The following HSPG2 variants were observed in gnomAD, a reference collection of about 807,000 sequenced individuals.
The protein encoded by HSPG2 is basement membrane-specific heparan sulfate proteoglycan core protein.
In HSPG2, 278 loss-of-function variants were observed where a neutral mutation model predicts 526.6. The ratio of observed to expected loss-of-function variants is 0.53; its 90% CI spans 0.48 to 0.58. HSPG2 has a LOEUF of 0.58. HSPG2 is among the 20% of genes least tolerant of loss of function. The pLI is 0.00. For missense variants in HSPG2, 5,354 were observed against 6,099.5 expected (o/e 0.88, Z 4.07); for synonymous variants, 2,465 against 2,555.4 (o/e 0.96, Z 1.07).
rs769130391 is a variant in HSPG2, at chr1:21,861,754, T to A, written c.4955+3A>T. ...CTCCCCCTACTTCTGTTTACAAACTTACTGCTCACAGTACTGGCCAGTGTA... is the reference window on the plus strand; with the variant it reads ...CTCCCCCTACTTCTGTTTACAAACTAACTGCTCACAGTACTGGCCAGTGTA... On this transcript the variant is annotated splice_donor_region_variant and intron_variant, in intron 39 of 96. Transcript: ENST00000374695. The A allele has an allele frequency of 8.7e-6, 14 of 1,613,898 alleles. No individual in the cohort carries two copies. In the South Asian group the frequency reaches 1.5e-4, roughly 18 times the overall value.
intron 1 of HSPG2, among the ~76,000 whole-genome samples, chr1:21,927,537 C>G (rs1033544320): frequency 6.6e-6 from 1 of 152,162 alleles, no homozygotes; most frequent in East Asian, 1.9e-4. Flanking sequence ...TCCCCCACCC[C>G]CCCCACTGTC....
chr1:21,896,161 G>T lies in HSPG2; in HGVS notation c.199+14C>A. 1.9e-6 allele frequency: 3 copies of T among 1,613,828 alleles called. No individual in the cohort carries two copies. The highest frequency in any genetic ancestry group is 2.5e-6 in the Non-Finnish European group (3 of 1,179,956). On this transcript the variant is annotated intron_variant, in intron 2 of 96. Transcript: ENST00000374695. ...CCCCACCCCTCTGCTCCCAGCCTTG[G>T]ATCCTTGGCTCACCTCCTGAGATGC...
In HSPG2 at chr1:21,848,611, G is replaced by C; in HGVS notation, c.7737+32C>G. 1 of 1,612,106 alleles carries C rather than the reference G, an allele frequency of 6.2e-7. No homozygotes were observed. The highest frequency in any genetic ancestry group is 1.1e-5 in the South Asian group (1 of 91,000). Reference sequence around the variant, plus strand: ...TTCCCATTGGGGGCTGGTGTGCCCTGCTTTTGCCCTCCCCACCTGCTGGCC... The same window carrying C: ...TTCCCATTGGGGGCTGGTGTGCCCTCCTTTTGCCCTCCCCACCTGCTGGCC... On this transcript the variant is annotated intron_variant, in intron 59 of 96. Coordinates refer to ENST00000374695, the MANE Select transcript of HSPG2 (RefSeq NM_005529.7). This position sits in a 1 kb window ranked among gnomAD's most constrained non-coding sequence, Gnocchi z 4.9.
chr1:21,881,036 G>A (rs967196688), intron 14 of HSPG2, among the ~76,000 whole-genome samples: 1 of 152,216 alleles, frequency 6.6e-6, no homozygotes, highest in Non-Finnish European at 1.5e-5. Context: ...CCATGGCAGG[G>A]TGTGGAATCA....
chr1:21,839,769 G>T lies in HSPG2; in HGVS notation c.9709+53C>A. 1.3e-6 allele frequency: 2 copies of T among 1,585,956 alleles called. No individual in the cohort carries two copies. Among genetic ancestry groups the T allele is most frequent in the South Asian group, 1.1e-5 (1 of 90,396 alleles). ...CTAGATCACATGTGTCTACATTTCA[G>T]ACCCCAGGGCATCCCTGCCCTGCCA... On this transcript the variant is annotated intron_variant, in intron 72 of 96. Coordinates refer to ENST00000374695, the MANE Select transcript of HSPG2 (RefSeq NM_005529.7). The surrounding 1 kb of genome is among the most constrained non-coding windows in gnomAD (Gnocchi z 4.5).
At chr1:21,843,774 G>A (rs2098059515) in intron 65 of HSPG2, among the ~76,000 whole-genome samples, 1 of 152,128 alleles carries the variant, frequency 6.6e-6, no homozygotes, top group African/African-American at 2.4e-5. Context: ...AGCCTCCTGA[G>A]TAGCTGGGAT....
rs1318268467 is a variant in HSPG2 at position 21,848,102 on chromosome 1, A to C, written c.7738-9T>G. The stretch of plus-strand genomic sequence containing the variant: ...AGCCGGGAGCCCACGATCTGCAGGA[A>C]GCAGATGGCAGGAGGTATGGCAGTA... On this transcript the variant is annotated splice_polypyrimidine_tract_variant and intron_variant, in intron 59 of 96. Coordinates refer to ENST00000374695, the MANE Select transcript of HSPG2 (RefSeq NM_005529.7). This position sits in a 1 kb window ranked among gnomAD's most constrained non-coding sequence, Gnocchi z 4.9. 6.3e-7 allele frequency: 1 copy of C among 1,579,528 alleles called. No individual in the cohort carries two copies. Among genetic ancestry groups the C allele is most frequent in the East Asian group, 2.3e-5 (1 of 42,748 alleles).
chr1:21,861,477 G>A (rs918946009), intron 39 of HSPG2, among the ~76,000 whole-genome samples: 24 of 107,744 alleles, frequency 2.2e-4, no homozygotes, highest in African/African-American at 7.9e-4. Flanking sequence ...GTGAGACCCT[G>A]TCTCAGTTTA....
chr1:21,895,471 T>C lies in HSPG2; in HGVS notation c.244+451A>G, dbSNP rs1642680681. Among the ~76,000 whole-genome samples, 1 of 152,180 alleles carries C rather than the reference T, an allele frequency of 6.6e-6. No individual in the cohort carries two copies. Among genetic ancestry groups the C allele is most frequent in the Admixed American group, 6.5e-5 (1 of 15,282 alleles). ...CCCAAGCCTAGCGTCAGGCTCGATC[T>C]GTGCTCTGCATGCCCTGCTGCCTGC... On this transcript the variant is annotated intron_variant, in intron 3 of 96. Coordinates refer to ENST00000374695, the MANE Select transcript of HSPG2 (RefSeq NM_005529.7). This position sits in a 1 kb window ranked among gnomAD's most constrained non-coding sequence, Gnocchi z 4.1.
At chr1:21,892,373 G>A (rs1557798029) in intron 3 of HSPG2, among the ~76,000 whole-genome samples, 1 of 152,282 alleles carries the variant, frequency 6.6e-6, no homozygotes, top group Non-Finnish European at 1.5e-5. Context: ...CCTCTGCCCA[G>A]GAATGTGCCC....
chr1:21,859,946 C>G lies in HSPG2; in HGVS notation c.5071G>C (p.Gly1691Arg). The change falls in exon 41 of 97, where the codon GGT becomes CGT. Residue 1691 changes from glycine (G) to arginine (R), a missense_variant. Physicochemically the swap from Gly to Arg is moderately radical, Grantham distance 125. Coordinates refer to ENST00000374695, the MANE Select transcript of HSPG2 (RefSeq NM_005529.7). The surrounding 1 kb of genome is among the most constrained non-coding windows in gnomAD (Gnocchi z 5.3). ...TGACACCGCAGGGAGTGGGAGCCAC[C>G]TTGGGGCACTATGCTTCGAGCAGGA... ...VHPARSIVPQGGSHSLRCQVS... is the reference protein window; with the variant it reads ...VHPARSIVPQRGSHSLRCQVS... 1 of 1,610,656 alleles carries G rather than the reference C, an allele frequency of 6.2e-7. No individual in the cohort carries two copies. Among genetic ancestry groups the G allele is most frequent in the Non-Finnish European group, 8.5e-7 (1 of 1,179,374 alleles).
At chr1:21,846,083 C>G in intron 64 of HSPG2, 25 bp downstream of exon 64, 1 of 1,611,508 alleles carries the variant, frequency 6.2e-7, no homozygotes. Flanking sequence ...CCCCGGCCTT[C>G]CCGTCCCACT....
At chr1:21,860,104 C>T in intron 40 of HSPG2, 73 bp downstream of exon 40, 3 of 1,603,490 alleles carry the variant, frequency 1.9e-6, no homozygotes, top group South Asian at 1.1e-5. Flanking sequence ...TGTCCCCAGA[C>T]CCAGTATCCC....
chr1:21,839,237 G>C lies in HSPG2; in HGVS notation c.9889+134C>G. On this transcript the variant is annotated intron_variant, in intron 73 of 96. Coordinates refer to ENST00000374695, the MANE Select transcript of HSPG2 (RefSeq NM_005529.7). This position sits in a 1 kb window ranked among gnomAD's most constrained non-coding sequence, Gnocchi z 4.5. ...GTCCCAGGCCAGGGTGTGGGTGTCG[G>C]GCAGGGCAGGCTCCAGGACCCTGCA... The C allele has an allele frequency of 7.0e-7, 1 of 1,425,746 alleles. No individual in the cohort carries two copies. The highest frequency in any genetic ancestry group is 9.7e-7 in the Non-Finnish European group (1 of 1,031,544). The allele number at this position is 1,425,746 out of a possible 1,614,324, so 88.3% of individuals were successfully genotyped here.
chr1:21,924,634 A>C (rs1248862524), intron 1 of HSPG2, among the ~76,000 whole-genome samples: 1 of 152,166 alleles, frequency 6.6e-6, no homozygotes, highest in Non-Finnish European at 1.5e-5. Flanking sequence ...ACTGGTGACC[A>C]AGTGGAGGCC....
At chr1:21,927,879 T>C (rs756861910) in intron 1 of HSPG2, among the ~76,000 whole-genome samples, 78 of 152,214 alleles carry the variant, frequency 5.1e-4, no homozygotes, top group Non-Finnish European at 9.1e-4. Flanking sequence ...CAGCCATTCA[T>C]TCAACAAGCC....
intron 57 of HSPG2, among the ~76,000 whole-genome samples, chr1:21,849,770 C>T (rs1254175706): frequency 6.6e-6 from 1 of 152,146 alleles, no homozygotes; most frequent in African/African-American, 2.4e-5. Flanking sequence ...ACCTCCGCCT[C>T]CTGGGTTCAG....
intron 95 of HSPG2, 174 bp from the exon 96 acceptor site, chr1:21,823,893 C>T: frequency 1.4e-6 from 1 of 728,048 alleles, no homozygotes; most frequent in South Asian, 1.6e-5. Context: ...ACACAGCTTC[C>T]TCATTTCTGC....
chr1:21,861,704 G>T, intron 39 of HSPG2, 53 bp downstream of exon 39: 2 of 1,493,860 alleles, frequency 1.3e-6, no homozygotes, highest in South Asian at 1.1e-5. Flanking sequence ...GCTCTCACTT[G>T]GGAGTCCACC....
Sources: allele counts gnomAD v4.1 joint callset (sites outside exome capture counted in the v4.1 genomes callset), GRCh38; gene constraint gnomAD v4.1.1; non-coding constraint Gnocchi (gnomAD v3.1); transcripts MANE v1.5; gene names NCBI Gene and HGNC (gene_info 2026-07-23, HGNC 2026-07-21).